The following MBOAT1 variants were observed in gnomAD, a reference collection of about 807,000 sequenced individuals.
The protein encoded by MBOAT1 is membrane bound glycerophospholipid O-acyltransferase 1, also known as membrane-bound glycerophospholipid O-acyltransferase 1.
Under a neutral mutation model 64.4 loss-of-function variants are expected in MBOAT1, and 67 were observed. The ratio of observed to expected loss-of-function variants is 1.04; its 90% CI spans 0.85 to 1.27. The LOEUF (loss-of-function observed/expected upper bound fraction) is 1.27. Among genes scored for constraint, MBOAT1 ranks in the 50% most tolerant of loss-of-function variants. MBOAT1 has a pLI of 0.00. For missense variants in MBOAT1, 563 were observed against 604.6 expected, an observed-to-expected ratio of 0.93 and a Z score of 0.72; for synonymous variants, 229 against 218.9, an observed-to-expected ratio of 1.05 and a Z score of -0.41.
chr6:20,161,874 T>C (rs1761873523), intron 1 of MBOAT1, among the ~76,000 whole-genome samples: 1 of 152,056 alleles, frequency 6.6e-6, no homozygotes, highest in Admixed American at 6.6e-5. Context: ...TACCAAAAAC[T>C]GGAGGGTGGG....
chr6:20,127,229 A>T (rs2113653377), intron 6 of MBOAT1, among the ~76,000 whole-genome samples: 1 of 152,356 alleles, frequency 6.6e-6, no homozygotes, highest in East Asian at 1.9e-4. Flanking sequence ...TGAGTTCCTG[A>T]GTAACAGACC....
intron 7 of MBOAT1, 94 bp downstream of exon 7, chr6:20,126,423 T>G: frequency 9.4e-7 from 1 of 1,069,362 alleles, no homozygotes; most frequent in Non-Finnish European, 1.3e-6. Flanking sequence ...TGGCCAAGCT[T>G]TCTGGTAAAC....
intron 4 of MBOAT1, among the ~76,000 whole-genome samples, chr6:20,141,217 C>T (rs1167503451): frequency 2.6e-5 from 4 of 152,182 alleles, no homozygotes; most frequent in African/African-American, 9.7e-5. Context: ...CAGGAACTAA[C>T]CCAGCATGTG....
chr6:20,125,770 A>G (rs1760631468), intron 7 of MBOAT1: 14 of 332,422 alleles, frequency 4.2e-5, no homozygotes, highest in South Asian at 3.4e-4. Flanking sequence ...CCTAATTAAT[A>G]AATCCCTTAA....
intron 1 of MBOAT1, among the ~76,000 whole-genome samples, chr6:20,159,932 A>T (rs1003878032): frequency 1.1e-4 from 16 of 152,356 alleles, no homozygotes; most frequent in African/African-American, 3.8e-4. Flanking sequence ...CATTCATGAC[A>T]TCCAGCAATG....
At chr6:20,110,285 T>C (rs1489734850) in intron 11 of MBOAT1, among the ~76,000 whole-genome samples, 1 of 149,630 alleles carries the variant, frequency 6.7e-6, no homozygotes, top group African/African-American at 2.5e-5. Context: ...CAATCATAGC[T>C]CACTGCAGCT....
intron 1 of MBOAT1, among the ~76,000 whole-genome samples, chr6:20,187,762 C>G (rs1442967593): frequency 6.6e-6 from 1 of 152,176 alleles, no homozygotes; most frequent in African/African-American, 2.4e-5. Flanking sequence ...GAGGCCAAGG[C>G]AGGAGGATCA....
intron 4 of MBOAT1, among the ~76,000 whole-genome samples, chr6:20,141,455 G>T (rs1761175314): frequency 6.7e-6 from 1 of 148,864 alleles, no homozygotes; most frequent in Admixed American, 6.9e-5. Flanking sequence ...CCAGTCTCAG[G>T]CTCAAGAGAT....
chr6:20,111,847 CAT>C lies in MBOAT1; in HGVS notation c.1209+1027_1209+1028del, dbSNP rs374292054. Among the ~76,000 whole-genome samples, 409 of 75,522 alleles carry C rather than the reference CAT, an allele frequency of 5.4e-3. 2 individuals are homozygous for C. The highest frequency in any genetic ancestry group is 9.9e-3 in the African/African-American group (195 of 19,730). The allele number at this position is 75,522 out of a possible 152,430, so 49.5% of individuals were successfully genotyped here. A position where few individuals can be genotyped will look rare whatever the true frequency, so the allele number is the denominator to read the frequency against. On this transcript the variant is annotated intron_variant, in intron 11 of 12. Transcript: ENST00000324607. ...ATACATATATATACACATATATATA[CAT>C]ATATATATACATATATATACATATA... is the stretch of plus-strand genomic sequence containing the variant.
chr6:20,173,983 T>C (rs978338207), intron 1 of MBOAT1, among the ~76,000 whole-genome samples: 3 of 151,678 alleles, frequency 2.0e-5, no homozygotes, highest in African/African-American at 7.3e-5. Flanking sequence ...AAGACAAACA[T>C]GTAGGGGATG....
At chr6:20,125,332 T>A (rs930140378) in intron 7 of MBOAT1, among the ~76,000 whole-genome samples, 1 of 152,192 alleles carries the variant, frequency 6.6e-6, no homozygotes, top group African/African-American at 2.4e-5. Context: ...GGGGTTTAAG[T>A]GAATGAGTAT....
chr6:20,142,108 G>A (rs1427462344), intron 4 of MBOAT1, among the ~76,000 whole-genome samples: 1 of 152,098 alleles, frequency 6.6e-6, no homozygotes, highest in African/African-American at 2.4e-5. Flanking sequence ...ACAGGCAATA[G>A]GTATTAATGT....
intron 1 of MBOAT1, among the ~76,000 whole-genome samples, chr6:20,168,675 GAGA>G (rs763473011): frequency 1.2e-4 from 17 of 136,154 alleles, no homozygotes; most frequent in Non-Finnish European, 2.4e-4. Flanking sequence ...GAAAGAGAGA[GAGA>G]AGGAGAGAAA....
At chr6:20,168,663 GA>G (rs1762100381) in intron 1 of MBOAT1, among the ~76,000 whole-genome samples, 2 of 135,534 alleles carry the variant, frequency 1.5e-5, no homozygotes, top group Admixed American at 7.6e-5. Flanking sequence ...GAGGGAAAGA[GA>G]GAAAGAGAGA....
chr6:20,206,433 C>G (rs1297744327), intron 1 of MBOAT1, among the ~76,000 whole-genome samples: 1 of 152,236 alleles, frequency 6.6e-6, no homozygotes, highest in Admixed American at 6.5e-5. Context: ...CTCGGCCTCC[C>G]AAAGTGCTGG....
At chr6:20,195,858 A>G (rs889540369) in intron 1 of MBOAT1, among the ~76,000 whole-genome samples, 1 of 152,206 alleles carries the variant, frequency 6.6e-6, no homozygotes, top group Non-Finnish European at 1.5e-5. Context: ...TCCCTGGGGT[A>G]TATACCCATC....
intron 2 of MBOAT1, among the ~76,000 whole-genome samples, chr6:20,151,667 G>A (rs1433947159): frequency 6.6e-6 from 1 of 151,950 alleles, no homozygotes; most frequent in Non-Finnish European, 1.5e-5. Flanking sequence ...GAAGGAATAG[G>A]GGCAGAATTC....
intron 1 of MBOAT1, among the ~76,000 whole-genome samples, chr6:20,208,960 A>G (rs1318079102): frequency 6.6e-6 from 1 of 152,234 alleles, no homozygotes; most frequent in East Asian, 1.9e-4. Flanking sequence ...CAACTGAGTC[A>G]GTCTTGCAAA....
chr6:20,195,296 T>C (rs570807741), intron 1 of MBOAT1, among the ~76,000 whole-genome samples: 1 of 152,234 alleles, frequency 6.6e-6, no homozygotes, highest in East Asian at 1.9e-4. Flanking sequence ...GAATGCTTTT[T>C]TACTTTGTTG....
Sources: allele counts gnomAD v4.1 joint callset (sites outside exome capture counted in the v4.1 genomes callset), GRCh38; gene constraint gnomAD v4.1.1; transcripts MANE v1.5; gene names NCBI Gene and HGNC (gene_info 2026-07-23, HGNC 2026-07-21).